Variants in PPP2R5E observed in about 807,000 individuals in gnomAD.
PPP2R5E encodes the protein serine/threonine-protein phosphatase 2A 56 kDa regulatory subunit epsilon isoform.
PPP2R5E carries 4 observed loss-of-function variants against 65.3 expected under a neutral mutation model. That is an observed-to-expected ratio of 0.06 (90% CI 0.03 to 0.14). The LOEUF (loss-of-function observed/expected upper bound fraction) is 0.14, where lower values mean the gene tolerates loss of function less well. PPP2R5E is among the 10% of genes least tolerant of loss of function. The pLI, the probability that PPP2R5E is intolerant of heterozygous loss-of-function variation, is 1.00. For synonymous variants in PPP2R5E, 183 were observed against 187.4 expected, an observed-to-expected ratio of 0.98 and a Z score of 0.19; for missense variants, 274 against 556.1, an observed-to-expected ratio of 0.49 and a Z score of 5.10.
chr14:63,415,319 T>A, intron 4 of PPP2R5E, 87 bp from the exon 5 acceptor site: 1 of 854,738 alleles, frequency 1.2e-6, no homozygotes, highest in Non-Finnish European at 1.8e-6. Context: ...ACACTAAAAG[T>A]GACAGGGCTT....
At chr14:63,425,891 C>T (rs1276638190) in intron 3 of PPP2R5E, among the ~76,000 whole-genome samples, 1 of 152,192 alleles carries the variant, frequency 6.6e-6, no homozygotes. Flanking sequence ...CTCTCAGTTA[C>T]AGCAAAAGAA....
intron 2 of PPP2R5E, among the ~76,000 whole-genome samples, chr14:63,525,652 C>T (rs1239132846): frequency 6.6e-6 from 1 of 152,194 alleles, no homozygotes; most frequent in Non-Finnish European, 1.5e-5. Flanking sequence ...ACACAAAATA[C>T]TCCCTGGAAT....
chr14:63,444,905 T>C lies in PPP2R5E; in HGVS notation c.354+8784A>G, dbSNP rs192176558. 1.3e-4 allele frequency among the ~76,000 whole-genome samples: 20 copies of C among 152,294 alleles called. No homozygotes were observed. In the East Asian group the frequency reaches 3.5e-3, roughly 26 times the overall value. On this transcript the variant is annotated intron_variant, in intron 3 of 13. Transcript: ENST00000337537. ...TGACTCCAGGAGACCCCAAGAGAAA[T>C]ACATGACACAAACCACTTTCTGAAG...
At chr14:63,399,366 C>CTTTCTT (rs1885604828) in intron 5 of PPP2R5E, among the ~76,000 whole-genome samples, 20 of 48,506 alleles carry the variant, frequency 4.1e-4, no homozygotes, top group Non-Finnish European at 6.2e-4. Flanking sequence ...GGATTTCTTT[C>CTTTCTT]TTTTTTTTTT....
intron 3 of PPP2R5E, among the ~76,000 whole-genome samples, chr14:63,423,777 C>G (rs776885804): frequency 4.6e-5 from 7 of 152,222 alleles, no homozygotes; most frequent in Non-Finnish European, 8.8e-5. Flanking sequence ...ACACACTGTT[C>G]TAGGCACTAG....
chr14:63,483,991 G>T (rs1890844875), intron 2 of PPP2R5E, among the ~76,000 whole-genome samples: 1 of 151,906 alleles, frequency 6.6e-6, no homozygotes, highest in Non-Finnish European at 1.5e-5. Context: ...GGCTGAGGCA[G>T]GAGAATCGCT....
chr14:63,432,863 A>C (rs1887748307), intron 3 of PPP2R5E, among the ~76,000 whole-genome samples: 1 of 152,094 alleles, frequency 6.6e-6, no homozygotes, highest in African/African-American at 2.4e-5. Flanking sequence ...GTCATAACCA[A>C]ACCCCCCAAA....
chr14:63,538,186 TC>T (rs773255817), intron 2 of PPP2R5E, among the ~76,000 whole-genome samples: 29 of 151,574 alleles, frequency 1.9e-4, no homozygotes, highest in Middle Eastern at 3.4e-3. Flanking sequence ...GGGAAGTTGA[TC>T]CCGGCTACTC....
At chr14:63,533,979 C>G (rs1033681479) in intron 2 of PPP2R5E, among the ~76,000 whole-genome samples, 2 of 152,078 alleles carry the variant, frequency 1.3e-5, no homozygotes, top group Non-Finnish European at 2.9e-5. Flanking sequence ...AATAACAATG[C>G]TACTTTCACT....
intron 3 of PPP2R5E, among the ~76,000 whole-genome samples, chr14:63,427,276 C>T (rs1396254621): frequency 6.6e-6 from 1 of 152,066 alleles, no homozygotes; most frequent in East Asian, 1.9e-4. Flanking sequence ...GGTTCTAGCC[C>T]TACACCTCCT....
chr14:63,442,880 T>A (rs1264605167), intron 3 of PPP2R5E, among the ~76,000 whole-genome samples: 1 of 152,168 alleles, frequency 6.6e-6, no homozygotes, highest in Non-Finnish European at 1.5e-5. Flanking sequence ...AAATTTCATA[T>A]TTCCCCCCGG....
intron 1 of PPP2R5E, among the ~76,000 whole-genome samples, chr14:63,540,648 G>A (rs868832546): frequency 3.3e-5 from 5 of 151,304 alleles, no homozygotes; most frequent in Admixed American, 1.3e-4. Context: ...ACTTGAACCC[G>A]GGAGGCGGAG....
Position 63,528,848 on chromosome 14 carries a change from A to G in PPP2R5E, c.157+10681T>C, listed in dbSNP as rs1008219996. 6.6e-5 allele frequency among the ~76,000 whole-genome samples: 10 copies of G among 152,214 alleles called. 1 individual carries two copies. Among genetic ancestry groups the G allele is most frequent in the Admixed American group, 5.9e-4 (9 of 15,278 alleles). On this transcript the variant is annotated intron_variant, in intron 2 of 13. Transcript: ENST00000337537. Reference sequence around the variant, plus strand: ...ACTAAGAAATATTTATTGAATGCCAATTACGTACAAGGCACTGTTCGAAGC... The same window carrying G: ...ACTAAGAAATATTTATTGAATGCCAGTTACGTACAAGGCACTGTTCGAAGC...
At chr14:63,416,361 TACTA>T (rs952279201) in intron 4 of PPP2R5E, among the ~76,000 whole-genome samples, 5 of 152,218 alleles carry the variant, frequency 3.3e-5, no homozygotes, top group African/African-American at 1.2e-4. Context: ...CTCTTTTCCT[TACTA>T]ACTGTGTAAC....
chr14:63,483,022 A>T (rs1025481038), intron 2 of PPP2R5E, among the ~76,000 whole-genome samples: 5 of 152,206 alleles, frequency 3.3e-5, no homozygotes, highest in Admixed American at 6.5e-5. Flanking sequence ...AACATAATAT[A>T]GGCCAGGCCC....
At chr14:63,495,398 C>A (rs1472118167) in intron 2 of PPP2R5E, among the ~76,000 whole-genome samples, 3 of 139,354 alleles carry the variant, frequency 2.2e-5, no homozygotes, top group Non-Finnish European at 3.1e-5. Context: ...ATGGCAAAAC[C>A]CCATCTCTAC....
intron 2 of PPP2R5E, among the ~76,000 whole-genome samples, chr14:63,493,821 T>C (rs982548464): frequency 1.3e-5 from 2 of 152,158 alleles, no homozygotes; most frequent in African/African-American, 4.8e-5. Flanking sequence ...TAATTTAGCT[T>C]GTAAACTTTT....
chr14:63,391,429 T>TG lies in PPP2R5E; in HGVS notation c.954+387dup, dbSNP rs532954499. Among the ~76,000 whole-genome samples, 184 of 152,202 alleles carry TG rather than the reference T, an allele frequency of 1.2e-3. 1 individual carries two copies. The highest frequency in any genetic ancestry group is 4.0e-3 in the African/African-American group (168 of 41,508). On this transcript the variant is annotated intron_variant, in intron 10 of 13. Transcript: ENST00000337537. ...TGTTTTGTTTTGTTTTGTTTTGTTTTGTTTTGTTTTTGAGACAGAGTTCAC... is the reference window on the plus strand; with the variant it reads ...TGTTTTGTTTTGTTTTGTTTTGTTTTGGTTTTGTTTTTGAGACAGAGTTCAC...
intron 2 of PPP2R5E, among the ~76,000 whole-genome samples, chr14:63,478,487 C>G (rs1364450150): frequency 6.6e-6 from 1 of 152,122 alleles, no homozygotes; most frequent in Admixed American, 6.5e-5. Context: ...TTTTATACAT[C>G]TCTTTAACAT....
Sources: allele counts gnomAD v4.1 joint callset (sites outside exome capture counted in the v4.1 genomes callset), GRCh38; gene constraint gnomAD v4.1.1; transcripts MANE v1.5; gene names NCBI Gene and HGNC (gene_info 2026-07-23, HGNC 2026-07-21).